COQ6: variants seen among roughly 807,000 people sequenced by gnomAD.
COQ6 encodes the protein ubiquinone biosynthesis monooxygenase COQ6, mitochondrial.
Under a neutral mutation model 55.5 loss-of-function variants are expected in COQ6, and 45 were observed. The ratio of observed to expected loss-of-function variants is 0.81; its 90% CI spans 0.64 to 1.04. COQ6 has a LOEUF of 1.04. COQ6 is among the 50% of genes least tolerant of loss of function. COQ6 has a pLI of 0.00. For synonymous variants in COQ6, 206 were observed against 230.5 expected, an observed-to-expected ratio of 0.89 and a Z score of 0.96; for missense variants, 550 against 601.3, an observed-to-expected ratio of 0.91 and a Z score of 0.89.
chr14:73,959,637 G>A (rs1566690220), intron 8 of COQ6, 115 bp downstream of exon 8: 2 of 1,555,200 alleles, frequency 1.3e-6, no homozygotes. Context: ...GCGCGATCTT[G>A]GCTCACTGTG....
At chr14:73,957,499 G>A (rs77803340) in intron 4 of COQ6, among the ~76,000 whole-genome samples, 3,816 of 152,262 alleles carry the variant, frequency 0.025, 151 homozygotes, top group African/African-American at 0.087. Flanking sequence ...TTTGAGACAA[G>A]GTCTTGCTTT....
At position 73,959,094 on chromosome 14, in the gene COQ6, G is replaced by A. The variant is rs1594804202; in HGVS notation, c.720+16G>A. The A allele has an allele frequency of 6.2e-7, 1 of 1,614,172 alleles. No homozygotes were observed. The highest frequency in any genetic ancestry group is 1.3e-5 in the African/African-American group (1 of 75,054). On this transcript the variant is annotated intron_variant, in intron 6 of 11. Transcript: ENST00000334571. ...TTTATCAGAGGTAAGATCCTGAGCT[G>A]CCATCTGGGGACTTTATTCATAGGC...
intron 2 of COQ6, chr14:73,953,857 T>C (rs931544413): frequency 4.0e-6 from 2 of 505,672 alleles, no homozygotes; most frequent in Non-Finnish European, 7.2e-6. Context: ...ACTGAAATCA[T>C]ATGAACTAAT....
intron 8 of COQ6, chr14:73,960,493 C>T (rs1481921332): frequency 1.0e-6 from 1 of 995,698 alleles, no homozygotes; most frequent in East Asian, 1.1e-4. Flanking sequence ...GGGAACTGAA[C>T]ATACTGAAAT....
rs753392009 is a variant in COQ6 at position 73,950,408 on chromosome 14, A to G, written c.76A>G (p.Arg26Gly). 2 of 1,595,182 alleles carry G rather than the reference A, an allele frequency of 1.3e-6. No individual in the cohort carries two copies. Among genetic ancestry groups the G allele is most frequent in the Non-Finnish European group, 1.7e-6 (2 of 1,171,042 alleles). ...PHSGPLVSWRRWSGASTDTVY... is the reference protein window; with the variant it reads ...PHSGPLVSWRGWSGASTDTVY... ...CAGCGGCCCGCTGGTGTCCTGGCGCAGGTGGTCCGGCGCCTCAACAGACAC... is the reference window on the plus strand; with the variant it reads ...CAGCGGCCCGCTGGTGTCCTGGCGCGGGTGGTCCGGCGCCTCAACAGACAC... The change falls in exon 1 of 12, where the codon AGG becomes GGG. Residue 26 changes from arginine (R) to glycine (G), a missense_variant. Transcript: ENST00000334571.
chr14:73,961,483 G>A lies in COQ6; in HGVS notation c.1123G>A (p.Ala375Thr). 6.2e-7 allele frequency: 1 copy of A among 1,614,212 alleles called. No homozygotes were observed. Among genetic ancestry groups the A allele is most frequent in the Middle Eastern group, 1.6e-4 (1 of 6,062 alleles). ...TGCAGCCCACAGAGTCCATCCGCTT[G>A]CAGGACAGGGTGTCAACATGGGCTT... ...GDAAHRVHPL[A>T]GQGVNMGFGD... is the part of the protein sequence containing the mutation. The change falls in exon 10 of 12, where the codon GCA becomes ACA. Residue 375 changes from alanine to threonine, a missense_variant. By Grantham distance (58) the Ala-to-Thr change is moderately conservative. Coordinates refer to ENST00000334571, the MANE Select transcript of COQ6 (RefSeq NM_182476.3).
chr14:73,950,155 C>A (rs745550952), upstream of COQ6: 16 of 1,588,708 alleles, frequency 1.0e-5, no homozygotes, highest in Non-Finnish European at 1.3e-5. Context: ...GGGCAGCCTC[C>A]GATCCATCCC....
chr14:73,951,772 C>T (rs968419899), intron 1 of COQ6, among the ~76,000 whole-genome samples: 3 of 151,024 alleles, frequency 2.0e-5, no homozygotes, highest in African/African-American at 7.3e-5. Flanking sequence ...GATCTAAGGG[C>T]AGCTGTTCCA....
At chr14:73,951,980 CAAAAAA>C (rs71115933) in intron 1 of COQ6, among the ~76,000 whole-genome samples, 3 of 79,774 alleles carry the variant, frequency 3.8e-5, no homozygotes, top group Non-Finnish European at 4.9e-5. Context: ...CTCGATATCT[CAAAAAA>C]AAAAAAAAAA....
intron 4 of COQ6, among the ~76,000 whole-genome samples, chr14:73,957,449 T>C (rs2056492265): frequency 6.6e-6 from 1 of 152,212 alleles, no homozygotes; most frequent in Non-Finnish European, 1.5e-5. Context: ...GTAAATGATG[T>C]ATACAGGCTG....
rs560443872 is a variant in COQ6 at position 73,954,954 on chromosome 14, ATTTTTT to A, written c.299-487_299-482del. On this transcript the variant is annotated intron_variant, in intron 2 of 11. Transcript: ENST00000334571. ...GCTGAGTCTTTTTTTTTTTTATTTT[ATTTTTT>A]TTTTTTTTTGAGACGGAGTCTCGCT... is the stretch of plus-strand genomic sequence containing the variant. 4.3e-3 allele frequency among the ~76,000 whole-genome samples: 470 copies of A among 109,116 alleles called. 6 individuals are homozygous for A. The highest frequency in any genetic ancestry group is 0.015 in the African/African-American group (448 of 29,446). The allele number at this position is 109,116 out of a possible 152,430, so 71.6% of individuals were successfully genotyped here.
intron 8 of COQ6, chr14:73,960,711 A>G: frequency 3.4e-6 from 2 of 588,664 alleles, no homozygotes; most frequent in Non-Finnish European, 2.4e-6. Flanking sequence ...CCGTACAGTG[A>G]TAGAAGTATG....
chr14:73,958,505 G>T, intron 5 of COQ6: 1 of 1,364,350 alleles, frequency 7.3e-7, no homozygotes, highest in Non-Finnish European at 9.5e-7. Context: ...CAGATAGCTG[G>T]GCCTCACAGG....
At chr14:73,960,339 C>T (rs2056657351) in intron 8 of COQ6, 8 of 986,542 alleles carry the variant, frequency 8.1e-6, no homozygotes, top group Non-Finnish European at 9.6e-6. Flanking sequence ...ATTGTAGGTG[C>T]TCAACAAATA....
At chr14:73,957,906 TAAGA>T in intron 4 of COQ6, 1 of 481,616 alleles carries the variant, frequency 2.1e-6, no homozygotes, top group South Asian at 2.1e-5. Context: ...ATGTGGACAG[TAAGA>T]AAGAGTGCCT....
In COQ6 at chr14:73,961,723, C is replaced by G; in HGVS notation, c.1211-14C>G. 6.2e-7 allele frequency: 1 copy of G among 1,614,050 alleles called. No individual in the cohort carries two copies. The highest frequency in any genetic ancestry group is 8.5e-7 in the Non-Finnish European group (1 of 1,179,942). ...TTATTGGATTAGGGATTTAATCTTT[C>G]CTCTGCCCTTCAGGTTCCGTGAGCC... On this transcript the variant is annotated splice_polypyrimidine_tract_variant and intron_variant, in intron 10 of 11. Coordinates refer to ENST00000334571, the MANE Select transcript of COQ6 (RefSeq NM_182476.3).
rs746245541 is a variant in COQ6 at position 73,961,453 on chromosome 14, A to G, written c.1095-2A>G. The stretch of plus-strand genomic sequence containing the variant: ...CACACCTGAACTCTGCTTTATTCTT[A>G]GGGATGCAGCCCACAGAGTCCATCC... On this transcript the variant is annotated splice_acceptor_variant, in intron 9 of 11. Coordinates refer to ENST00000334571, the MANE Select transcript of COQ6 (RefSeq NM_182476.3). LOFTEE classifies it high-confidence loss of function. The G allele has an allele frequency of 6.2e-7, 1 of 1,614,144 alleles. No individual in the cohort carries two copies. Among genetic ancestry groups the G allele is most frequent in the Admixed American group, 1.7e-5 (1 of 60,020 alleles).
intron 8 of COQ6, 197 bp from the exon 9 acceptor site, chr14:73,960,976 T>A: frequency 1.4e-6 from 1 of 694,432 alleles, no homozygotes; most frequent in South Asian, 1.7e-5. Flanking sequence ...ATGTACAGTT[T>A]GGCTAGATCT....
At chr14:73,950,276 A>T (rs933505094), upstream of COQ6, 6 of 1,539,586 alleles carry the variant, frequency 3.9e-6, no homozygotes, top group Non-Finnish European at 5.2e-6. Flanking sequence ...TCTGCTCCGG[A>T]CGCACTACGT....
Sources: allele counts gnomAD v4.1 joint callset (sites outside exome capture counted in the v4.1 genomes callset), GRCh38; gene constraint gnomAD v4.1.1; transcripts MANE v1.5; gene names NCBI Gene and HGNC (gene_info 2026-07-23, HGNC 2026-07-21).